Variants in NRG1 observed in about 807,000 individuals in gnomAD.
NRG1 encodes the protein pro-neuregulin-1, membrane-bound isoform.
A neutral mutation model predicts 63.8 loss-of-function variants in NRG1; 18 were observed. That is an observed-to-expected ratio of 0.28 (90% CI 0.19 to 0.42). The LOEUF (loss-of-function observed/expected upper bound fraction) is 0.42, where lower values mean the gene tolerates loss of function less well. NRG1 is among the 10% of genes least tolerant of loss of function. The pLI is 1.00. For missense variants in NRG1, 762 were observed against 814.7 expected (o/e 0.94, Z 0.79); for synonymous variants, 302 against 301.3 (o/e 1.00, Z -0.02).
chr8:32,130,546 G>A, intron 1 of NRG1, among the ~76,000 whole-genome samples: 1 of 151,846 alleles, frequency 6.6e-6, no homozygotes, highest in East Asian at 1.9e-4. Flanking sequence ...CTTGTTTCAA[G>A]CCTAGAGTTC....
At chr8:32,388,428 C>T (rs1047152447) in intron 1 of NRG1, among the ~76,000 whole-genome samples, 7 of 152,308 alleles carry the variant, frequency 4.6e-5, no homozygotes, top group Admixed American at 4.6e-4. Flanking sequence ...AAACCTGGAA[C>T]TATGGCTGGC....
chr8:31,934,638 G>A (rs983937586), intron 1 of NRG1, among the ~76,000 whole-genome samples: 16 of 151,634 alleles, frequency 1.1e-4, no homozygotes, highest in Admixed American at 2.0e-4. Context: ...ATTATCCACG[G>A]AAAGGGTACC....
chr8:32,463,434 T>G lies in NRG1; in HGVS notation c.38-132394T>G, dbSNP rs564615828. On this transcript the variant is annotated intron_variant, in intron 1 of 10. Transcript: ENST00000519301. ...CCTCTGAAAGTGGACAAGGGTTCCC[T>G]TTATTCTACACTCTCACCAACACTT... Among the ~76,000 whole-genome samples, 9 of 152,310 alleles carry G rather than the reference T, an allele frequency of 5.9e-5. No homozygotes were observed. The East Asian group carries it at 1.7e-3, about 29-fold the overall frequency.
rs77342892 is a variant in NRG1 at position 32,259,858 on chromosome 8, C to A, written c.38-335970C>A. On this transcript the variant is annotated intron_variant, in intron 1 of 10. Coordinates refer to the NRG1 transcript ENST00000519301. ...TTATGAGGGCTTTTTTTCTTTACAC[C>A]TCTCTCCTTTTCTCATCAGCCTCTG... 1.6e-3 allele frequency among the ~76,000 whole-genome samples: 248 copies of A among 152,116 alleles called. 2 individuals are homozygous for A. Among genetic ancestry groups the A allele is most frequent in the East Asian group, 0.013 (65 of 5,182 alleles).
intron 1 of NRG1, among the ~76,000 whole-genome samples, chr8:31,943,734 A>C (rs1358465010): frequency 2.0e-5 from 3 of 152,150 alleles, no homozygotes; most frequent in Non-Finnish European, 4.4e-5. Context: ...ACTAGATTCC[A>C]TGAAAATATG....
At chr8:32,368,245 G>C (rs1808345493) in intron 1 of NRG1, among the ~76,000 whole-genome samples, 1 of 152,178 alleles carries the variant, frequency 6.6e-6, no homozygotes, top group African/African-American at 2.4e-5. Context: ...GTAATGAAGA[G>C]AGACTGAGCT....
At chr8:31,772,098 C>A (rs1818680814) in intron 1 of NRG1, among the ~76,000 whole-genome samples, 1 of 152,172 alleles carries the variant, frequency 6.6e-6, no homozygotes, top group Admixed American at 6.5e-5. Flanking sequence ...AAGTTTTTAT[C>A]CCATTTGTGA....
At position 32,759,411 on chromosome 8, in the gene NRG1, A is replaced by G. The variant is rs780196782; in HGVS notation, c.1027A>G (p.Thr343Ala). ...TACTTCCACAGCCCATCACTCCACT[A>G]CTGTCACCCAGACTCCTAGCCACAG... The change falls in exon 10 of 12, where the codon ACT becomes GCT. Residue 343 changes from threonine (T) to alanine (A), a missense_variant. By Grantham distance (58) the Thr-to-Ala change is moderately conservative (BLOSUM62 0). This residue lies in a region of NRG1 where 503 missense variants were observed against 506.8 expected (regional missense o/e 0.99). Transcript: ENST00000356819. 6 of 1,613,654 alleles carry G rather than the reference A, an allele frequency of 3.7e-6. No homozygotes were observed. In the South Asian group the frequency reaches 4.4e-5, roughly 12 times the overall value.
chr8:31,846,953 G>T (rs767319773), intron 1 of NRG1, among the ~76,000 whole-genome samples: 2 of 152,068 alleles, frequency 1.3e-5, no homozygotes, highest in South Asian at 4.1e-4. Flanking sequence ...TAATAAAGGG[G>T]CACCTCTGTA....
intron 1 of NRG1, among the ~76,000 whole-genome samples, chr8:31,809,449 T>A (rs1822637306): frequency 6.7e-6 from 1 of 149,420 alleles, no homozygotes; most frequent in African/African-American, 2.4e-5. Flanking sequence ...ACGTTAGGAT[T>A]TCTGTTTCTG....
chr8:31,771,417 A>G (rs2131573418), intron 1 of NRG1, among the ~76,000 whole-genome samples: 1 of 152,210 alleles, frequency 6.6e-6, no homozygotes, highest in East Asian at 1.9e-4. Context: ...ATTTGGGGCT[A>G]TTACTGAAAT....
intron 1 of NRG1, among the ~76,000 whole-genome samples, chr8:31,711,040 G>GT (rs371161372): frequency 1.3e-5 from 2 of 151,986 alleles, no homozygotes; most frequent in South Asian, 4.1e-4. Context: ...ACTTCTATCA[G>GT]TTTTTTTGAT....
chr8:31,703,288 T>A (rs1002456252), intron 1 of NRG1, among the ~76,000 whole-genome samples: 1 of 151,838 alleles, frequency 6.6e-6, no homozygotes, highest in Non-Finnish European at 1.5e-5. Flanking sequence ...TATAGAAATT[T>A]ACTCATTTTA....
intron 1 of NRG1, among the ~76,000 whole-genome samples, chr8:32,331,291 G>A (rs1308102428): frequency 6.7e-6 from 1 of 150,366 alleles, no homozygotes; most frequent in Non-Finnish European, 1.5e-5. Context: ...CACTTTGGAA[G>A]GCTGAACTCC....
chr8:32,082,104 G>C (rs1283059329), intron 1 of NRG1, among the ~76,000 whole-genome samples: 1 of 151,996 alleles, frequency 6.6e-6, no homozygotes, highest in African/African-American at 2.4e-5. Context: ...TTCTCAAATT[G>C]AGTTTGAGCT....
chr8:31,748,120 G>A lies in NRG1; in HGVS notation c.37+108689G>A, dbSNP rs79200084. Among the ~76,000 whole-genome samples, 655 of 151,972 alleles carry A rather than the reference G, an allele frequency of 4.3e-3. 6 individuals carry two copies. The highest frequency in any genetic ancestry group is 0.015 in the African/African-American group (614 of 41,474). On this transcript the variant is annotated intron_variant, in intron 1 of 10. Coordinates refer to the NRG1 transcript ENST00000519301. Reference sequence around the variant, plus strand: ...GTAATACTGTTGTAAAAAATTAAATGATTTCCTACTATTCCAGTTTATTCT... The same window carrying A: ...GTAATACTGTTGTAAAAAATTAAATAATTTCCTACTATTCCAGTTTATTCT...
At chr8:31,934,519 G>A (rs1052689472) in intron 1 of NRG1, among the ~76,000 whole-genome samples, 2 of 144,246 alleles carry the variant, frequency 1.4e-5, no homozygotes, top group Non-Finnish European at 3.0e-5. Context: ...TCTACCTCCC[G>A]GGTTCAAGCG....
chr8:32,732,417 T>C (rs1823907784), intron 6 of NRG1, among the ~76,000 whole-genome samples: 1 of 152,144 alleles, frequency 6.6e-6, no homozygotes, highest in Admixed American at 6.5e-5. Flanking sequence ...GATGTTGATG[T>C]GATTTTTTTT....
At chr8:32,525,343 A>T (rs1830717630) in intron 1 of NRG1, among the ~76,000 whole-genome samples, 1 of 151,724 alleles carries the variant, frequency 6.6e-6, no homozygotes, top group South Asian at 2.1e-4. Context: ...GTCACAAGGA[A>T]GGCAGTTTTT....
Sources: allele counts gnomAD v4.1 joint callset (sites outside exome capture counted in the v4.1 genomes callset), GRCh38; gene constraint gnomAD v4.1.1; regional missense constraint gnomAD v4.1.1; transcripts MANE v1.5; gene names NCBI Gene and HGNC (gene_info 2026-07-23, HGNC 2026-07-21).